Variants in MSI2 observed in about 807,000 individuals in gnomAD.
The protein encoded by MSI2 is musashi RNA binding protein 2.
MSI2 carries 17 observed loss-of-function variants against 45.6 expected under a neutral mutation model. That is an observed-to-expected ratio of 0.37 (90% CI 0.26 to 0.56). MSI2 has a LOEUF of 0.56. Ranked by LOEUF, MSI2 falls within the 20% of genes least tolerant of loss-of-function variation. MSI2 has a pLI of 0.77. For missense variants in MSI2, 293 were observed against 444.2 expected (o/e 0.66, Z 3.06); for synonymous variants, 156 against 158.2 (o/e 0.99, Z 0.11).
chr17:57,428,803 G>A (rs918787235), intron 6 of MSI2, among the ~76,000 whole-genome samples: 2 of 151,942 alleles, frequency 1.3e-5, no homozygotes, highest in Admixed American at 6.6e-5. Context: ...TCCCACCCTC[G>A]CTGTATTGTC....
intron 7 of MSI2, among the ~76,000 whole-genome samples, chr17:57,566,806 G>C (rs72833090): frequency 0.05 from 7,549 of 152,246 alleles, 248 homozygotes; most frequent in Non-Finnish European, 0.074. Context: ...AATGTAAGGA[G>C]GAGTGTTCAG....
chr17:57,533,564 G>T (rs1023924512), intron 7 of MSI2, among the ~76,000 whole-genome samples: 13 of 152,230 alleles, frequency 8.5e-5, no homozygotes, highest in African/African-American at 1.2e-4. Context: ...TGTTCAAGAT[G>T]AATTCCTTTG....
intron 10 of MSI2, among the ~76,000 whole-genome samples, chr17:57,636,504 AG>A (rs1260975945): frequency 2.0e-5 from 3 of 152,102 alleles, no homozygotes; most frequent in African/African-American, 7.2e-5. Flanking sequence ...CCCACTCAGG[AG>A]AGGCGAGACC....
At chr17:57,427,566 T>C (rs548864764) in intron 6 of MSI2, among the ~76,000 whole-genome samples, 2 of 152,138 alleles carry the variant, frequency 1.3e-5, no homozygotes, top group African/African-American at 4.8e-5. Context: ...CCTTCCTCAT[T>C]ATGTGGTCCT....
intron 5 of MSI2, among the ~76,000 whole-genome samples, chr17:57,309,880 C>T (rs1298251590): frequency 6.6e-6 from 1 of 152,158 alleles, no homozygotes; most frequent in Non-Finnish European, 1.5e-5. Context: ...TCAATAGATT[C>T]AGAAGCAGCC....
At chr17:57,302,897 G>A (rs1417910866) in intron 5 of MSI2, among the ~76,000 whole-genome samples, 2 of 152,192 alleles carry the variant, frequency 1.3e-5, no homozygotes, top group African/African-American at 4.8e-5. Flanking sequence ...GGAGTTGGGG[G>A]ACAGCCCCAG....
At chr17:57,299,011 A>G (rs1316856648) in intron 5 of MSI2, among the ~76,000 whole-genome samples, 1 of 152,276 alleles carries the variant, frequency 6.6e-6, no homozygotes, top group Non-Finnish European at 1.5e-5. Context: ...TAGCTTCTAC[A>G]TCAGCACTTG....
rs551114832 is a variant in MSI2 at position 57,260,318 on chromosome 17, G to A, written c.271-1833G>A. ...CGATCATGATATAATGCTCTGATAC[G>A]GCCACACACCATCCAGGAGTTCTGA... is the stretch of plus-strand genomic sequence containing the variant. On this transcript the variant is annotated intron_variant, in intron 4 of 13. Coordinates refer to ENST00000284073, the MANE Select transcript of MSI2 (RefSeq NM_138962.4). Among the ~76,000 whole-genome samples, 27 of 152,182 alleles carry A rather than the reference G, an allele frequency of 1.8e-4. No individual in the cohort carries two copies. In the South Asian group the frequency reaches 5.2e-3, roughly 29 times the overall value.
intron 6 of MSI2, among the ~76,000 whole-genome samples, chr17:57,496,341 A>G (rs1196499793): frequency 6.6e-6 from 1 of 152,110 alleles, no homozygotes; most frequent in South Asian, 2.1e-4. Context: ...TAATGTTTTA[A>G]TGACTCCCCT....
chr17:57,640,975 G>A (rs77980475), intron 10 of MSI2, among the ~76,000 whole-genome samples: 1,660 of 152,004 alleles, frequency 0.011, 31 homozygotes, highest in African/African-American at 0.037. Context: ...TTTCAACAAG[G>A]GCTAGAGTGT....
At chr17:57,635,695 C>T (rs1181874262) in intron 10 of MSI2, among the ~76,000 whole-genome samples, 1 of 152,252 alleles carries the variant, frequency 6.6e-6, no homozygotes, top group African/African-American at 2.4e-5. Flanking sequence ...GCCTGCTGAG[C>T]TTGAACTCTG....
intron 5 of MSI2, among the ~76,000 whole-genome samples, chr17:57,367,403 C>G (rs2143938661): frequency 6.6e-6 from 1 of 152,252 alleles, no homozygotes; most frequent in African/African-American, 2.4e-5. Context: ...GGGATCTCAG[C>G]TGAACTGAAT....
intron 7 of MSI2, among the ~76,000 whole-genome samples, chr17:57,550,449 A>T (rs1430456161): frequency 6.6e-6 from 1 of 152,256 alleles, no homozygotes; most frequent in African/African-American, 2.4e-5. Context: ...CTTCAGCTAT[A>T]TGCAAGCTGT....
At chr17:57,435,371 A>G (rs1046184339) in intron 6 of MSI2, among the ~76,000 whole-genome samples, 1 of 152,192 alleles carries the variant, frequency 6.6e-6, no homozygotes, top group African/African-American at 2.4e-5. Context: ...GAAGAGGCAG[A>G]TGGGCCACGC....
At chr17:57,521,072 A>G (rs2086573961) in intron 6 of MSI2, among the ~76,000 whole-genome samples, 1 of 152,180 alleles carries the variant, frequency 6.6e-6, no homozygotes, top group Non-Finnish European at 1.5e-5. Context: ...GCATTTTTTG[A>G]CATTTGGAAT....
chr17:57,283,377 C>G (rs930505170), intron 5 of MSI2, among the ~76,000 whole-genome samples: 2 of 152,042 alleles, frequency 1.3e-5, no homozygotes, highest in Non-Finnish European at 2.9e-5. Context: ...TATCGCTGAC[C>G]CATTAAAGAC....
intron 11 of MSI2, among the ~76,000 whole-genome samples, chr17:57,659,071 GGTTGGTTGGTTT>G (rs1218692561): frequency 2.0e-5 from 3 of 151,724 alleles, no homozygotes; most frequent in Admixed American, 1.3e-4. Flanking sequence ...TTGGTTGGTT[GGTTGGTTGGTTT>G]GTTGTTGTTG....
chr17:57,619,692 G>A (rs529090656), intron 9 of MSI2, among the ~76,000 whole-genome samples: 15 of 152,258 alleles, frequency 9.9e-5, no homozygotes, highest in African/African-American at 3.1e-4. Context: ...CTTCCTGAGA[G>A]CACCTACTGA....
At chr17:57,367,545 G>A (rs1052284768) in intron 5 of MSI2, among the ~76,000 whole-genome samples, 1 of 152,170 alleles carries the variant, frequency 6.6e-6, no homozygotes, top group African/African-American at 2.4e-5. Flanking sequence ...GGCCGGAACA[G>A]CCCCTTTCCT....
Sources: allele counts gnomAD v4.1 joint callset (sites outside exome capture counted in the v4.1 genomes callset), GRCh38; gene constraint gnomAD v4.1.1; transcripts MANE v1.5; gene names NCBI Gene and HGNC (gene_info 2026-07-23, HGNC 2026-07-21).